The following KCNK16 variants were observed in gnomAD, a reference collection of about 807,000 sequenced individuals.
The protein encoded by KCNK16 is potassium channel subfamily K member 16.
A neutral mutation model predicts 23.0 loss-of-function variants in KCNK16; 23 were observed. The observed-to-expected ratio is 1.00, with a 90% confidence interval of 0.72 to 1.41. The LOEUF (loss-of-function observed/expected upper bound fraction) is 1.41. Ranked by LOEUF, KCNK16 falls within the 40% of genes most tolerant of loss-of-function variation. KCNK16 has a pLI of 0.00. For synonymous variants in KCNK16, 145 were observed against 153.5 expected, an observed-to-expected ratio of 0.94 and a Z score of 0.41; for missense variants, 327 against 365.8, an observed-to-expected ratio of 0.89 and a Z score of 0.87.
rs974379368 is a variant in KCNK16, at chr6:39,322,228, G to A, written c.213+100C>T. The A allele has an allele frequency of 1.3e-5, 19 of 1,493,364 alleles. 1 individual carries two copies. The African/African-American group carries it at 2.4e-4, about 19-fold the overall frequency. 92.5% of individuals were successfully genotyped at this position (1,493,364 alleles called of 1,614,324 possible). A position where few individuals can be genotyped will look rare whatever the true frequency, so the allele number is the denominator to read the frequency against. Reference sequence around the variant, plus strand: ...CCACCACACTCTTCTTCCAAATGGGGCATCAGCTCCTGGGTGAGGACTGTG... The same window carrying A: ...CCACCACACTCTTCTTCCAAATGGGACATCAGCTCCTGGGTGAGGACTGTG... On this transcript the variant is annotated intron_variant, in intron 1 of 4. Coordinates refer to ENST00000437525, the MANE Select transcript of KCNK16 (RefSeq NM_001135106.2).
intron 1 of KCNK16, among the ~76,000 whole-genome samples, chr6:39,321,730 A>C (rs1011553215): frequency 6.6e-6 from 1 of 152,218 alleles, no homozygotes; most frequent in African/African-American, 2.4e-5. Flanking sequence ...TTACCAAGAG[A>C]GAGCCCCATT....
intron 3 of KCNK16, 63 bp from the exon 4 acceptor site, chr6:39,317,010 G>A: frequency 2.0e-6 from 3 of 1,508,080 alleles, no homozygotes; most frequent in South Asian, 2.5e-5. Context: ...ATGAGGTTGG[G>A]GGGAGTCTGG....
At position 39,317,856 on chromosome 6, in the gene KCNK16, T is replaced by A. The variant is rs1583784925; in HGVS notation, c.425A>T (p.His142Leu). The part of the protein sequence containing the change: ...GIPLNVIFLN[H>L]LGTGLRAHLA... ...ATGGGCACGCAGCCCTGTGCCCAGGTGGTTGAGGAAGATCACGTTAAGCGG... is the reference window on the plus strand; with the variant it reads ...ATGGGCACGCAGCCCTGTGCCCAGGAGGTTGAGGAAGATCACGTTAAGCGG... Residue 142 changes from histidine to leucine, a missense_variant, in exon 3 of 5, where the codon CAC becomes CTC. Transcript: ENST00000437525. The A allele has an allele frequency of 1.2e-6, 2 of 1,613,602 alleles. No homozygotes were observed. Among genetic ancestry groups the A allele is most frequent in the Non-Finnish European group, 1.7e-6 (2 of 1,179,808 alleles).
At chr6:39,318,179 C>A (rs77168573) in intron 2 of KCNK16, among the ~76,000 whole-genome samples, 1 of 152,194 alleles carries the variant, frequency 6.6e-6, no homozygotes, top group Non-Finnish European at 1.5e-5. Flanking sequence ...TCCTGACTGC[C>A]GATTTCCTTC....
chr6:39,316,719 C>G, intron 4 of KCNK16, 63 bp downstream of exon 4: 2 of 1,558,330 alleles, frequency 1.3e-6, no homozygotes, highest in Non-Finnish European at 1.7e-6. Context: ...GCTGACATCT[C>G]TCCATCCCCC....
At chr6:39,315,557 G>T, downstream of KCNK16, 2 of 785,050 alleles carry the variant, frequency 2.5e-6, no homozygotes, top group Non-Finnish European at 4.0e-6. Flanking sequence ...GAGGCAGCTC[G>T]CCTGCCCCTC....
At chr6:39,322,730 T>TA, upstream of KCNK16, 1 of 853,036 alleles carries the variant, frequency 1.2e-6, no homozygotes, top group Non-Finnish European at 1.7e-6. Flanking sequence ...CTAAGTGCTA[T>TA]GCTGTGAGTG....
intron 3 of KCNK16, among the ~76,000 whole-genome samples, 155 bp downstream of exon 3, chr6:39,317,631 C>T (rs1762367260): frequency 1.3e-5 from 2 of 152,218 alleles, no homozygotes; most frequent in African/African-American, 2.4e-5. Flanking sequence ...GATCCAACTC[C>T]CCACTCTGCC....
intron 4 of KCNK16, 29 bp downstream of exon 4, chr6:39,316,753 C>A (rs1481762744): frequency 1.2e-6 from 2 of 1,603,292 alleles, no homozygotes; most frequent in African/African-American, 2.7e-5. Flanking sequence ...CACCCCCACC[C>A]TGAGATAATG....
intron 1 of KCNK16, among the ~76,000 whole-genome samples, chr6:39,320,910 G>A (rs1478219274): frequency 6.6e-6 from 1 of 152,188 alleles, no homozygotes; most frequent in African/African-American, 2.4e-5. Flanking sequence ...CCCCTGAACT[G>A]TTCTCAACCC....
intron 4 of KCNK16, 83 bp downstream of exon 4, chr6:39,316,699 G>A: frequency 6.7e-7 from 1 of 1,481,894 alleles, no homozygotes; most frequent in Non-Finnish European, 9.2e-7. Flanking sequence ...ATCCTCAATA[G>A]TTGTCCTCAG....
At chr6:39,315,025 AT>A (rs1762255360), downstream of KCNK16, 1 of 1,607,926 alleles carries the variant, frequency 6.2e-7, no homozygotes, top group Admixed American at 1.7e-5. Context: ...CCTTTCTTGG[AT>A]ATGGGGAAGT....
chr6:39,315,287 A>C (rs755421217), downstream of KCNK16: 2 of 1,571,256 alleles, frequency 1.3e-6, no homozygotes, highest in East Asian at 4.7e-5. Flanking sequence ...TGGAGAATGC[A>C]TTCCTGAGAG....
downstream of KCNK16, among the ~76,000 whole-genome samples, chr6:39,315,774 G>A (rs1251435539): frequency 6.6e-6 from 1 of 152,204 alleles, no homozygotes; most frequent in Non-Finnish European, 1.5e-5. Context: ...ATCAAGGGCA[G>A]GCACTTCCAC....
intron 3 of KCNK16, 127 bp from the exon 4 acceptor site, chr6:39,317,074 G>T: frequency 1.1e-6 from 1 of 908,310 alleles, no homozygotes; most frequent in Non-Finnish European, 1.6e-6. Flanking sequence ...CTGCACTGCA[G>T]ACCCTCGAGG....
In KCNK16 at chr6:39,319,224, T is replaced by C; in HGVS notation, c.214-91A>G. ...ATGCTTTTGGCAGCATGCTTTTGTGTCATCTCATCTAATGATACTCTTAGA... is the reference window on the plus strand; with the variant it reads ...ATGCTTTTGGCAGCATGCTTTTGTGCCATCTCATCTAATGATACTCTTAGA... On this transcript the variant is annotated intron_variant, in intron 1 of 4. Coordinates refer to ENST00000437525, the MANE Select transcript of KCNK16 (RefSeq NM_001135106.2). The surrounding 1 kb of genome is among the most constrained non-coding windows in gnomAD (Gnocchi z 4.2). 2 of 759,662 alleles carry C rather than the reference T, an allele frequency of 2.6e-6. No homozygotes were observed. Among genetic ancestry groups the C allele is most frequent in the East Asian group, 4.9e-5 (2 of 40,744 alleles). 47.1% of individuals were successfully genotyped at this position (759,662 alleles called of 1,614,324 possible).
In KCNK16 at chr6:39,317,882, G is replaced by T; in HGVS notation, c.399C>A (p.Ile133=). The change falls in exon 3 of 5, where the codon ATC becomes ATA. Residue 133 remains isoleucine, a synonymous_variant. Coordinates refer to ENST00000437525, the MANE Select transcript of KCNK16 (RefSeq NM_001135106.2). ...VFCVFYALLG[I]PLNVIFLNHL... is the part of the protein sequence containing the mutation. ...GGTTGAGGAAGATCACGTTAAGCGG[G>T]ATGCCCAACAGGGCATAGAAGACAC... is the stretch of plus-strand genomic sequence containing the variant. 2 of 1,613,906 alleles carry T rather than the reference G, an allele frequency of 1.2e-6. No homozygotes were observed. Among genetic ancestry groups the T allele is most frequent in the Non-Finnish European group, 1.7e-6 (2 of 1,179,890 alleles).
At chr6:39,318,223 T>G (rs1762397758) in intron 2 of KCNK16, among the ~76,000 whole-genome samples, 1 of 152,246 alleles carries the variant, frequency 6.6e-6, no homozygotes, top group Non-Finnish European at 1.5e-5. Flanking sequence ...TAGTGTTTTA[T>G]GTCATTGCTA....
In KCNK16 at chr6:39,322,602, T is replaced by C. The variant is rs1215386136; in HGVS notation, c.-62A>G. 7 of 1,518,688 alleles carry C rather than the reference T, an allele frequency of 4.6e-6. No homozygotes were observed. Among genetic ancestry groups the C allele is most frequent in the Non-Finnish European group, 6.2e-6 (7 of 1,136,720 alleles). 94.1% of individuals were successfully genotyped at this position (1,518,688 alleles called of 1,614,324 possible). A position where few individuals can be genotyped will look rare whatever the true frequency, so the allele number is the denominator to read the frequency against. Reference sequence around the variant, plus strand: ...CTATGGGGGAGAGGTGGGAAACAGGTGAGGAGTAAGCACCTAGGGGCCTGT... The same window carrying C: ...CTATGGGGGAGAGGTGGGAAACAGGCGAGGAGTAAGCACCTAGGGGCCTGT... On this transcript the variant is annotated 5_prime_UTR_variant, in exon 1 of 5. Coordinates refer to ENST00000437525, the MANE Select transcript of KCNK16 (RefSeq NM_001135106.2).
Sources: allele counts gnomAD v4.1 joint callset (sites outside exome capture counted in the v4.1 genomes callset), GRCh38; gene constraint gnomAD v4.1.1; non-coding constraint Gnocchi (gnomAD v3.1); transcripts MANE v1.5; gene names NCBI Gene and HGNC (gene_info 2026-07-23, HGNC 2026-07-21).